The following ADO variants were observed in gnomAD, a reference collection of about 807,000 sequenced individuals.
ADO encodes 2-aminoethanethiol dioxygenase.
A neutral mutation model predicts 16.6 loss-of-function variants in ADO; 9 were observed. That is an observed-to-expected ratio of 0.54 (90% CI 0.33 to 0.95). The LOEUF is 0.95. Ranked by LOEUF, ADO falls within the 40% of genes least tolerant of loss-of-function variation. The pLI is 0.03. For missense variants in ADO, 356 were observed against 386.4 expected, an observed-to-expected ratio of 0.92 and a Z score of 0.66; for synonymous variants, 189 against 179.6, an observed-to-expected ratio of 1.05 and a Z score of -0.42.
Position 62,805,165 on chromosome 10 carries a change from G to T in ADO, c.106G>T (p.Ala36Ser), listed in dbSNP as rs1187897261. Residue 36 changes from alanine to serine, a missense_variant, in exon 1 of 1, where the codon GCT becomes TCT. Transcript: ENST00000373783. This position sits in a 1 kb window ranked among gnomAD's most constrained non-coding sequence, Gnocchi z 6.4. ...GGRGASDRDA[A>S]SGPEAPMQPG... ...CCGCGGCGCTTCCGATCGCGACGCG[G>T]CTTCTGGCCCGGAGGCGCCGATGCA... 1.9e-6 allele frequency: 3 copies of T among 1,594,602 alleles called. No individual in the cohort carries two copies. Among genetic ancestry groups the T allele is most frequent in the Non-Finnish European group, 2.6e-6 (3 of 1,174,582 alleles).
In ADO at chr10:62,804,920, G is replaced by C. The variant is rs146318332; in HGVS notation, c.-140G>C. 1.9e-3 allele frequency: 1,460 copies of C among 773,684 alleles called. 13 individuals carry two copies. The African/African-American group carries it at 0.022, about 12-fold the overall frequency. The allele number at this position is 773,684 out of a possible 1,614,324, so 47.9% of individuals were successfully genotyped here. ...CGCGTGGCTGCTGAGGTTGGCGGCG[G>C]TGCCGCGCGCCCGACGGGCCGGTGG... On this transcript the variant is annotated 5_prime_UTR_variant, in exon 1 of 1. Coordinates refer to ENST00000373783, the MANE Select transcript of ADO (RefSeq NM_032804.6).
chr10:62,804,951 G>T lies in ADO; in HGVS notation c.-109G>T, dbSNP rs1842032596. Reference sequence around the variant, plus strand: ...CGCGCCCGACGGGCCGGTGGTTGCGGGGCCTCCCGCCTCGACCCGGGCTGG... The same window carrying T: ...CGCGCCCGACGGGCCGGTGGTTGCGTGGCCTCCCGCCTCGACCCGGGCTGG... On this transcript the variant is annotated 5_prime_UTR_variant, in exon 1 of 1. Transcript: ENST00000373783. The T allele has an allele frequency of 3.7e-6, 4 of 1,075,728 alleles. No individual in the cohort carries two copies. The highest frequency in any genetic ancestry group is 3.3e-5 in the African/African-American group (2 of 60,768). The allele number at this position is 1,075,728 out of a possible 1,614,324, so 66.6% of individuals were successfully genotyped here.
rs1842033393 is a variant in ADO at position 62,805,007 on chromosome 10, A to T, written c.-53A>T. The T allele has an allele frequency of 7.3e-7, 1 of 1,360,658 alleles. No individual in the cohort carries two copies. Among genetic ancestry groups the T allele is most frequent in the Non-Finnish European group, 9.5e-7 (1 of 1,054,314 alleles). The allele number at this position is 1,360,658 out of a possible 1,614,324, so 84.3% of individuals were successfully genotyped here. A position where few individuals can be genotyped will look rare whatever the true frequency, so the allele number is the denominator to read the frequency against. ...GCCGTGGCGGCCGCCGGGGACCGCA[A>T]GGGGCGGAGGAAAGGAGGGGGCCGG... On this transcript the variant is annotated 5_prime_UTR_variant, in exon 1 of 1. In the 5' UTR this introduces an upstream ATG that the reference lacks. Transcript: ENST00000373783. The surrounding 1 kb of genome is among the most constrained non-coding windows in gnomAD (Gnocchi z 6.4).
Sources: gnomAD v4.1 joint callset for allele counts on GRCh38, gnomAD v4.1.1 for gene constraint, Gnocchi (gnomAD v3.1) non-coding constraint, MANE v1.5 for transcripts, NCBI Gene and HGNC (gene_info 2026-07-23, HGNC 2026-07-21) for gene names.